LEKR1: variants seen among roughly 807,000 people sequenced by gnomAD.
LEKR1 encodes leucine, glutamate and lysine rich 1.
A neutral mutation model predicts 72.4 loss-of-function variants in LEKR1; 59 were observed. That is an observed-to-expected ratio of 0.82 (90% CI 0.66 to 1.01). The LOEUF (loss-of-function observed/expected upper bound fraction) is 1.01. Ranked by LOEUF, LEKR1 falls within the 50% of genes least tolerant of loss-of-function variation. The pLI, the probability that LEKR1 is intolerant of heterozygous loss-of-function variation, is 0.00. For missense variants in LEKR1, 728 were observed against 759.2 expected (o/e 0.96, Z 0.48); for synonymous variants, 257 against 263.2 (o/e 0.98, Z 0.23).
intron 3 of LEKR1, among the ~76,000 whole-genome samples, chr3:156,874,753 C>T (rs1487014906): frequency 1.3e-5 from 2 of 152,116 alleles, no homozygotes; most frequent in Non-Finnish European, 2.9e-5. Flanking sequence ...ATCATCATAG[C>T]TTAACTCCCA....
rs566781922 is a variant in LEKR1, at chr3:156,928,791, C to T, written c.559+1187C>T. ...CTAAAGTAGTTGATATTTTAGCTGT[C>T]ACCTACCCTATGAGAAACAGATTTA... On this transcript the variant is annotated intron_variant, in intron 5 of 12. Coordinates refer to ENST00000356539, the MANE Select transcript of LEKR1 (RefSeq NM_001004316.3). 2.6e-5 allele frequency among the ~76,000 whole-genome samples: 4 copies of T among 152,166 alleles called. No homozygotes were observed. The South Asian group carries it at 6.2e-4, about 24-fold the overall frequency.
intron 3 of LEKR1, among the ~76,000 whole-genome samples, chr3:156,914,454 G>C (rs1404729478): frequency 6.6e-6 from 1 of 152,064 alleles, no homozygotes; most frequent in Admixed American, 6.6e-5. Flanking sequence ...GAGATTGATG[G>C]TTTCCAGCTT....
At position 156,916,191 on chromosome 3, in the gene LEKR1, T is replaced by C. The variant is rs115874576; in HGVS notation, c.264-4384T>C. Among the ~76,000 whole-genome samples, 1,237 of 152,258 alleles carry C rather than the reference T, an allele frequency of 8.1e-3. 22 individuals are homozygous for C. Among genetic ancestry groups the C allele is most frequent in the African/African-American group, 0.029 (1,199 of 41,556 alleles). On this transcript the variant is annotated intron_variant, in intron 3 of 12. Transcript: ENST00000356539. Reference sequence around the variant, plus strand: ...CGTAGCATAGTTTGAAGTTGGATAGTGTGATGCTTTTGGCTTTGTTCCTTT... The same window carrying C: ...CGTAGCATAGTTTGAAGTTGGATAGCGTGATGCTTTTGGCTTTGTTCCTTT...
chr3:156,855,599 T>C (rs1012633200), intron 3 of LEKR1, among the ~76,000 whole-genome samples: 1 of 152,176 alleles, frequency 6.6e-6, no homozygotes, highest in African/African-American at 2.4e-5. Context: ...GCTGTATCTT[T>C]TAAAAATTTT....
intron 12 of LEKR1, among the ~76,000 whole-genome samples, chr3:157,039,063 G>A (rs188691438): frequency 6.6e-6 from 1 of 152,118 alleles, no homozygotes; most frequent in African/African-American, 2.4e-5. Context: ...CTAGCATCTC[G>A]AATCTCTTTT....
At chr3:157,031,190 G>A (rs1021029142) in intron 12 of LEKR1, among the ~76,000 whole-genome samples, 5 of 152,042 alleles carry the variant, frequency 3.3e-5, no homozygotes, top group African/African-American at 7.3e-5. Flanking sequence ...TTTCTTCATC[G>A]ACAAAAGGAG....
At chr3:157,007,772 G>T (rs546360660) in intron 9 of LEKR1, among the ~76,000 whole-genome samples, 1 of 152,324 alleles carries the variant, frequency 6.6e-6, no homozygotes, top group South Asian at 2.1e-4. Context: ...GAGCAAGGAA[G>T]CAGATAACAC....
rs191760495 is a variant in LEKR1 at position 156,890,561 on chromosome 3, T to C, written c.264-30014T>C. On this transcript the variant is annotated intron_variant, in intron 3 of 12. Coordinates refer to ENST00000356539, the MANE Select transcript of LEKR1 (RefSeq NM_001004316.3). ...ATATGAATAATTCACATTATATATT[T>C]TTCTGAAGTTGGTAAACAGAAATTA... is the stretch of plus-strand genomic sequence containing the variant. Among the ~76,000 whole-genome samples, 623 of 152,332 alleles carry C rather than the reference T, an allele frequency of 4.1e-3. 2 individuals carry two copies. The highest frequency in any genetic ancestry group is 5.5e-3 in the Non-Finnish European group (372 of 68,024).
chr3:156,890,363 T>C (rs1409718443), intron 3 of LEKR1, among the ~76,000 whole-genome samples: 1 of 152,162 alleles, frequency 6.6e-6, no homozygotes, highest in African/African-American at 2.4e-5. Flanking sequence ...CAATTCAGAG[T>C]GGTTTCCTAA....
chr3:156,896,717 G>A (rs1302263010), intron 3 of LEKR1, among the ~76,000 whole-genome samples: 7 of 152,194 alleles, frequency 4.6e-5, no homozygotes, highest in Admixed American at 2.0e-4. Flanking sequence ...AATATAAATC[G>A]TTCTACCATT....
chr3:157,035,140 A>C (rs1047871625), intron 12 of LEKR1, among the ~76,000 whole-genome samples: 34 of 152,312 alleles, frequency 2.2e-4, no homozygotes, highest in African/African-American at 7.9e-4. Flanking sequence ...TGCACACTTA[A>C]CTACAGTATG....
intron 6 of LEKR1, chr3:156,977,836 T>C: frequency 4.7e-6 from 1 of 212,006 alleles, no homozygotes; most frequent in African/African-American, 2.3e-5. Flanking sequence ...TGCCTTTGTC[T>C]CCCACCTCAA....
intron 6 of LEKR1, among the ~76,000 whole-genome samples, chr3:156,949,432 G>A (rs935751002): frequency 2.6e-5 from 4 of 151,418 alleles, no homozygotes; most frequent in African/African-American, 7.3e-5. Context: ...TTTTTCCATT[G>A]CTTGTTTTTG....
At chr3:157,016,251 C>A (rs1733322450) in intron 10 of LEKR1, among the ~76,000 whole-genome samples, 1 of 152,136 alleles carries the variant, frequency 6.6e-6, no homozygotes, top group African/African-American at 2.4e-5. Flanking sequence ...GCCTCAGGCA[C>A]AACAAACCCA....
intron 10 of LEKR1, among the ~76,000 whole-genome samples, chr3:157,020,190 G>A (rs1733702311): frequency 6.6e-6 from 1 of 151,642 alleles, no homozygotes; most frequent in South Asian, 2.1e-4. Context: ...CAAGCCATCA[G>A]CCATCACCTT....
In LEKR1 at chr3:156,829,380, A is replaced by AT; in HGVS notation, c.48+4dup. ...CGTTGCCTGAAGAAATCCAAAAGGT[A>AT]TGATATATTGTGTTGCTACAGCCTA... On this transcript the variant is annotated splice_donor_region_variant and intron_variant, in intron 2 of 12. Transcript: ENST00000356539. The AT allele has an allele frequency of 6.5e-7, 1 of 1,531,192 alleles. No individual in the cohort carries two copies. The highest frequency in any genetic ancestry group is 8.8e-7 in the Non-Finnish European group (1 of 1,142,776). 94.9% of individuals were successfully genotyped at this position (1,531,192 alleles called of 1,614,324 possible).
At chr3:156,890,131 C>T (rs549873915) in intron 3 of LEKR1, among the ~76,000 whole-genome samples, 21 of 152,232 alleles carry the variant, frequency 1.4e-4, no homozygotes, top group African/African-American at 4.8e-4. Context: ...GGTAAATGCT[C>T]AATGCTCAAT....
At chr3:156,879,167 G>A (rs1718980145) in intron 3 of LEKR1, among the ~76,000 whole-genome samples, 2 of 152,138 alleles carry the variant, frequency 1.3e-5, no homozygotes, top group African/African-American at 4.8e-5. Flanking sequence ...AGGAAAATGT[G>A]GGAATGTTTG....
At chr3:156,990,390 T>C (rs376675265) in intron 7 of LEKR1, among the ~76,000 whole-genome samples, 1 of 152,170 alleles carries the variant, frequency 6.6e-6, no homozygotes, top group African/African-American at 2.4e-5. Context: ...TTTGTTCTCT[T>C]TCGATTAATA....
Sources: allele counts gnomAD v4.1 joint callset (sites outside exome capture counted in the v4.1 genomes callset), GRCh38; gene constraint gnomAD v4.1.1; transcripts MANE v1.5; gene names NCBI Gene and HGNC (gene_info 2026-07-23, HGNC 2026-07-21).